CSAG3: variants seen among roughly 807,000 people sequenced by gnomAD.
CSAG3 encodes CSAG family member 3.
For synonymous variants in CSAG3, 4 were observed against 34.0 expected, an observed-to-expected ratio of 0.12 and a Z score of 3.07; for missense variants, 15 against 93.0, an observed-to-expected ratio of 0.16 and a Z score of 3.45.
chrX:152,758,766 G>T (rs1246630760), upstream of CSAG3: 1 of 87,421 alleles, frequency 1.1e-5, no homozygotes, highest in Admixed American at 1.3e-4. Context: ...TAAGAAGGGA[G>T]AAGAGACAGA....
At chrX:152,758,752 G>T (rs1276822254), upstream of CSAG3, among the ~76,000 whole-genome samples, 2 of 69,964 alleles carry the variant, frequency 2.9e-5, no homozygotes, top group African/African-American at 5.7e-5. Context: ...AATTAGTTTG[G>T]TTATAAGAAG....
upstream of CSAG3, among the ~76,000 whole-genome samples, chrX:152,757,605 TTATATATATATATATATATG>T (rs1175257419): frequency 1.9e-4 from 8 of 42,056 alleles, 1 homozygote; most frequent in Admixed American, 4.6e-4. Context: ...CAATGTCTGG[TTATATATATATATATATATG>T]TATATATATA....
At chrX:152,758,847 C>CTT (rs1932607411), upstream of CSAG3, 1 of 86,693 alleles carries the variant, frequency 1.2e-5, no homozygotes, top group Non-Finnish European at 2.3e-5. Flanking sequence ...CTCTCTCTCT[C>CTT]TCTCTCTCTC....
upstream of CSAG3, chrX:152,758,829 T>TCTCTCTTTCTCTCTC (rs1932603172): frequency 2.0e-5 from 1 of 50,635 alleles, no homozygotes; most frequent in African/African-American, 7.2e-5. Flanking sequence ...CTCTCTCTCT[T>TCTCTCTTTCTCTCTC]TCTCTCTCTC....
chrX:152,759,193 T>G (rs1932619039), upstream of CSAG3: 1 of 293,800 alleles, frequency 3.4e-6, no homozygotes, highest in Non-Finnish European at 6.2e-6. Context: ...CATTTTGAGT[T>G]ACATTTCTGT....
exon 2 of CSAG3, chrX:152,759,896 C>T: frequency 8.3e-7 from 1 of 1,203,282 alleles, no homozygotes; most frequent in South Asian, 1.8e-5. Flanking sequence ...GTTCCAGGAA[C>T]AAAAGGCTCT....
upstream of CSAG3, among the ~76,000 whole-genome samples, chrX:152,757,635 A>G (rs1267623640): frequency 3.5e-5 from 2 of 57,372 alleles, 1 homozygote; most frequent in Non-Finnish European, 5.8e-5. Flanking sequence ...GTATATATAT[A>G]TATATCCATT....
At chrX:152,758,857 CT>C (rs1932608774), upstream of CSAG3, 1 of 93,153 alleles carries the variant, frequency 1.1e-5, no homozygotes, top group African/African-American at 4.3e-5. Context: ...CTCTCTCTCT[CT>C]CTCTCTCTCT....
upstream of CSAG3, chrX:152,758,838 TC>T: frequency 1.7e-5 from 1 of 58,176 alleles, no homozygotes; most frequent in Non-Finnish European, 3.2e-5. Flanking sequence ...TTTCTCTCTC[TC>T]TCTCTCTCTC....
rs1932625447 is a variant in CSAG3 at position 152,759,387 on chromosome X, TC to T, written c.19del (p.Gln7AsnfsTer2). On this transcript the variant is annotated frameshift_variant, in exon 1 of 2. Coordinates refer to ENST00000599845, the Ensembl canonical transcript of CSAG3. LOFTEE classifies it high-confidence loss of function. ...ACTTCCATAATGTGGATGGGCCTCATCCAATTAGTTGAAGGTGTTAAGAGAA... is the reference window on the plus strand; with the variant it reads ...ACTTCCATAATGTGGATGGGCCTCATCAATTAGTTGAAGGTGTTAAGAGAA... 1 of 764,201 alleles carries T rather than the reference TC, an allele frequency of 1.3e-6. No individual in the cohort carries two copies. Among genetic ancestry groups the T allele is most frequent in the Non-Finnish European group, 2.0e-6 (1 of 503,879 alleles). 63.0% of individuals were successfully genotyped at this position (764,201 alleles called of 1,213,427 possible).
exon 1 of CSAG3, chrX:152,759,576 C>G (rs1932634031): frequency 1.7e-6 from 2 of 1,207,192 alleles, no homozygotes; most frequent in Non-Finnish European, 2.2e-6. Flanking sequence ...GTGAAGATGT[C>G]CAGGAAACCA....
chrX:152,758,808 T>C (rs1932600039), upstream of CSAG3: 1 of 72,718 alleles, frequency 1.4e-5, no homozygotes, highest in East Asian at 4.7e-4. Context: ...ATGACCTTTC[T>C]CTCTCTCTCT....
At chrX:152,757,605 T>TTA (rs1363664141), upstream of CSAG3, among the ~76,000 whole-genome samples, 772 of 41,632 alleles carry the variant, frequency 0.019, 48 homozygotes, top group South Asian at 0.041. Flanking sequence ...CAATGTCTGG[T>TTA]TATATATATA....
At chrX:152,757,693 A>T (rs1932589408), upstream of CSAG3, among the ~76,000 whole-genome samples, 2 of 38,840 alleles carry the variant, frequency 5.1e-5, 1 homozygote, top group Admixed American at 6.0e-4. Flanking sequence ...GTGATTATGA[A>T]ATAAGCTATT....
chrX:152,759,148 A>G, upstream of CSAG3: 1 of 270,427 alleles, frequency 3.7e-6, no homozygotes, highest in Non-Finnish European at 6.8e-6. Context: ...TCCTAGAAAA[A>G]AAAAAAGTAA....
upstream of CSAG3, among the ~76,000 whole-genome samples, chrX:152,758,678 T>C (rs1397478268): frequency 2.1e-4 from 9 of 42,672 alleles, no homozygotes; most frequent in Admixed American, 4.2e-4. Context: ...TATTTGGAGA[T>C]GAGGCTTCTA....
chrX:152,758,829 T>TTCTCTCTCTCTCTCTC (rs1170908672), upstream of CSAG3: 7 of 50,634 alleles, frequency 1.4e-4, no homozygotes, highest in Admixed American at 2.7e-4. Context: ...CTCTCTCTCT[T>TTCTCTCTCTCTCTCTC]TCTCTCTCTC....
upstream of CSAG3, chrX:152,759,034 A>T (rs1408195047): frequency 5.2e-6 from 1 of 191,176 alleles, no homozygotes; most frequent in Non-Finnish European, 9.6e-6. Flanking sequence ...GAGAAAAAAA[A>T]TAAATTTCTG....
chrX:152,759,144 A>G (rs1412168669), upstream of CSAG3: 9 of 176,530 alleles, frequency 5.1e-5, no homozygotes, highest in South Asian at 3.9e-4. Flanking sequence ...TTCCTCCTAG[A>G]AAAAAAAAAA....
Sources: gnomAD v4.1 joint callset for allele counts (sites outside exome capture counted in the v4.1 genomes callset) on GRCh38, gnomAD v4.1.1 for gene constraint, MANE v1.5 for transcripts, NCBI Gene and HGNC (gene_info 2026-07-23, HGNC 2026-07-21) for gene names.